FZD4: variants seen among roughly 807,000 people sequenced by gnomAD.
FZD4 encodes the protein frizzled-4.
Under a neutral mutation model 37.3 loss-of-function variants are expected in FZD4, and 16 were observed. That is an observed-to-expected ratio of 0.43 (90% CI 0.29 to 0.65). The LOEUF is 0.65. Among genes scored for constraint, FZD4 ranks in the 30% least tolerant of loss-of-function variants. The pLI is 0.16. For synonymous variants in FZD4, 246 were observed against 254.8 expected, an observed-to-expected ratio of 0.97 and a Z score of 0.33; for missense variants, 599 against 674.3, an observed-to-expected ratio of 0.89 and a Z score of 1.24.
chr11:86,953,073 T>G (rs1191200252), intron 1 of FZD4, among the ~76,000 whole-genome samples: 3 of 152,170 alleles, frequency 2.0e-5, no homozygotes, highest in Non-Finnish European at 2.9e-5. Context: ...TTGGCCAGGT[T>G]TCCTCAATGA....
In FZD4 at chr11:86,950,864, C is replaced by G. The variant is rs1449175391; in HGVS notation, c.*278G>C. On this transcript the variant is annotated 3_prime_UTR_variant, in exon 2 of 2. Coordinates refer to ENST00000531380, the MANE Select transcript of FZD4 (RefSeq NM_012193.4). ...GAATCTAGGCAGGACCTCCACGCTC[C>G]AAGCTGCAACCTGCTAAAGTGATCA... is the stretch of plus-strand genomic sequence containing the variant. The G allele has an allele frequency of 2.0e-6, 1 of 502,458 alleles. No homozygotes were observed. The highest frequency in any genetic ancestry group is 1.9e-5 in the African/African-American group (1 of 51,816). The allele number at this position is 502,458 out of a possible 1,614,324, so 31.1% of individuals were successfully genotyped here.
In FZD4 at chr11:86,951,447, T is replaced by A; in HGVS notation, c.1309A>T (p.Ile437Phe). ...GTGTACAGTACTGAGAACACCCCAATCTTGACCATCAGTCTTTCTAACTTG... is the reference window on the plus strand; with the variant it reads ...GTGTACAGTACTGAGAACACCCCAAACTTGACCATCAGTCTTTCTAACTTG... ...TDKLERLMVK[I>F]GVFSVLYTVP... The change falls in exon 2 of 2, where the codon ATT (isoleucine) becomes TTT (phenylalanine). Residue 437 changes from isoleucine (I) to phenylalanine (F), a missense_variant. Physicochemically the swap from Ile to Phe is conservative, Grantham distance 21. Transcript: ENST00000531380. 2 of 1,613,808 alleles carry A rather than the reference T, an allele frequency of 1.2e-6. No homozygotes were observed. The highest frequency in any genetic ancestry group is 1.7e-6 in the Non-Finnish European group (2 of 1,179,686).
rs759980701 is a variant in FZD4, at chr11:86,954,845, T to A, written c.241A>T (p.Thr81Ser). 1.2e-6 allele frequency: 2 copies of A among 1,612,882 alleles called. No homozygotes were observed. Among genetic ancestry groups the A allele is most frequent in the African/African-American group, 1.3e-5 (1 of 74,840 alleles). The change falls in exon 1 of 2, where the codon ACT becomes TCT. Residue 81 changes from threonine to serine, a missense_variant. Coordinates refer to ENST00000531380, the MANE Select transcript of FZD4 (RefSeq NM_012193.4). ...CCGTACTGGATGAGCGGTGTGAAAG[T>A]TGTCAGCTGCAGCTCGGCGTCCGTC... Reference protein sequence around the residue: ...LQTDAELQLTTFTPLIQYGCS... With the variant: ...LQTDAELQLTSFTPLIQYGCS...
Position 86,950,858 on chromosome 11 carries a change from A to C in FZD4, c.*284T>G. On this transcript the variant is annotated 3_prime_UTR_variant, in exon 2 of 2. Coordinates refer to ENST00000531380, the MANE Select transcript of FZD4 (RefSeq NM_012193.4). ...TTCCTGGAATCTAGGCAGGACCTCCACGCTCCAAGCTGCAACCTGCTAAAG... is the reference window on the plus strand; with the variant it reads ...TTCCTGGAATCTAGGCAGGACCTCCCCGCTCCAAGCTGCAACCTGCTAAAG... The C allele has an allele frequency of 6.1e-6, 3 of 489,004 alleles. No individual in the cohort carries two copies. In the South Asian group the frequency reaches 6.4e-5, roughly 10 times the overall value. The allele number at this position is 489,004 out of a possible 1,614,324, so 30.3% of individuals were successfully genotyped here.
chr11:86,954,176 A>G, intron 1 of FZD4: 1 of 921,774 alleles, frequency 1.1e-6, no homozygotes, highest in Non-Finnish European at 1.3e-6. Flanking sequence ...TTTTTTAATG[A>G]CTGCAAAAAA....
rs999394382 is a variant in FZD4 at position 86,948,222 on chromosome 11, T to C, written c.*2920A>G. On this transcript the variant is annotated 3_prime_UTR_variant, in exon 2 of 2. Coordinates refer to ENST00000531380, the MANE Select transcript of FZD4 (RefSeq NM_012193.4). ...GGTGGCTCACACAGGAAGAGATTTA[T>C]GGAATGGAGACAGTGAAACAGATGG... 1 of 152,134 alleles carries C rather than the reference T, an allele frequency of 6.6e-6. No homozygotes were observed. The highest frequency in any genetic ancestry group is 1.5e-5 in the Non-Finnish European group (1 of 68,040). The allele number at this position is 152,134 out of a possible 1,614,324, so 9.4% of individuals were successfully genotyped here. A position where few individuals can be genotyped will look rare whatever the true frequency, so the allele number is the denominator to read the frequency against.
At chr11:86,953,204 C>T (rs1949309251) in intron 1 of FZD4, among the ~76,000 whole-genome samples, 1 of 152,152 alleles carries the variant, frequency 6.6e-6, no homozygotes, top group Non-Finnish European at 1.5e-5. Flanking sequence ...CTGCTTGGCT[C>T]CTTACAGATG....
rs139401671 is a variant in FZD4 at position 86,954,968 on chromosome 11, C to G, written c.118G>C (p.Glu40Gln). ...ATGGGGTCGCAGCGCCGCTCTTCCT[C>G]GTCCCCGAAGCCCCGCGCCGGCCCC... ...LLGPARGFGD[E>Q]EERRCDPIRI... The change falls in exon 1 of 2, where the codon GAG becomes CAG. Residue 40 changes from glutamate (E) to glutamine (Q), a missense_variant. Physicochemically the swap from Glu to Gln is conservative, Grantham distance 29 (BLOSUM62 2). This residue lies in a region of FZD4 where 357 missense variants were observed against 396.1 expected (regional missense o/e 0.90). Coordinates refer to ENST00000531380, the MANE Select transcript of FZD4 (RefSeq NM_012193.4). 486 of 1,613,484 alleles carry G rather than the reference C, an allele frequency of 3.0e-4. 3 individuals carry two copies. The highest frequency in any genetic ancestry group is 1.3e-3 in the South Asian group (120 of 91,078).
rs113917021 is a variant in FZD4 at position 86,955,039 on chromosome 11, C to T, written c.47G>A (p.Gly16Asp). Residue 16 changes from glycine to aspartate, a missense_variant, in exon 1 of 2, where the codon GGC (glycine) becomes GAC (aspartate). By Grantham distance (94) the Gly-to-Asp change is moderately conservative. Around this residue, in one of 3 missense-constraint regions of FZD4, gnomAD observed 357 missense variants for 396.1 expected, o/e 0.90. Coordinates refer to ENST00000531380, the MANE Select transcript of FZD4 (RefSeq NM_012193.4). ...AGPSVPGAPG[G>D]VGLSLGLLLQ... is the part of the protein sequence containing the mutation. Reference sequence around the variant, plus strand: ...GAGCAACCCCAGACTGAGACCGACGCCCCCGGGCGCCCCCGGGACGCTCGG... The same window carrying T: ...GAGCAACCCCAGACTGAGACCGACGTCCCCGGGCGCCCCCGGGACGCTCGG... 6.6e-5 allele frequency: 106 copies of T among 1,603,578 alleles called. No homozygotes were observed. In the African/African-American group the frequency reaches 7.6e-4, roughly 12 times the overall value.
intron 1 of FZD4, among the ~76,000 whole-genome samples, chr11:86,953,964 A>G (rs553574945): frequency 1.6e-3 from 238 of 152,206 alleles, no homozygotes; most frequent in African/African-American, 5.5e-3. Flanking sequence ...TTTTTCCCAC[A>G]ACTTCTCTCT....
At position 86,954,992 on chromosome 11, in the gene FZD4, C is replaced by A; in HGVS notation, c.94G>T (p.Gly32Trp). ...TCGTCCCCGAAGCCCCGCGCCGGCC[C>A]CAGGAGCAGCAGCAACTGCAGGAGC... is the stretch of plus-strand genomic sequence containing the variant. Reference protein sequence around the residue: ...GLLLQLLLLLGPARGFGDEEE... With the variant: ...GLLLQLLLLLWPARGFGDEEE... Residue 32 changes from glycine (G) to tryptophan (W), a missense_variant, in exon 1 of 2, where the codon GGG becomes TGG. Gly to Trp is a radical substitution (Grantham distance 184). Around this residue, in one of 3 missense-constraint regions of FZD4, gnomAD observed 357 missense variants for 396.1 expected, o/e 0.90. Coordinates refer to ENST00000531380, the MANE Select transcript of FZD4 (RefSeq NM_012193.4). The A allele has an allele frequency of 6.2e-7, 1 of 1,612,616 alleles. No homozygotes were observed. The highest frequency in any genetic ancestry group is 8.5e-7 in the Non-Finnish European group (1 of 1,179,676).
Position 86,947,815 on chromosome 11 carries a change from G to A in FZD4, c.*3327C>T, listed in dbSNP as rs1949256338. 1.3e-5 allele frequency: 2 copies of A among 152,418 alleles called. No individual in the cohort carries two copies. The highest frequency in any genetic ancestry group is 4.8e-5 in the African/African-American group (2 of 41,568). The allele number at this position is 152,418 out of a possible 1,614,324, so 9.4% of individuals were successfully genotyped here. ...GGAGAAAGGAATCTACCAGAAAGGAGGTTGGACAGAGGTGCCATTGCACCA... is the reference window on the plus strand; with the variant it reads ...GGAGAAAGGAATCTACCAGAAAGGAAGTTGGACAGAGGTGCCATTGCACCA... On this transcript the variant is annotated 3_prime_UTR_variant, in exon 2 of 2. Transcript: ENST00000531380.
In FZD4 at chr11:86,949,305, T is replaced by C. The variant is rs1949269967; in HGVS notation, c.*1837A>G. 1 of 151,014 alleles carries C rather than the reference T, an allele frequency of 6.6e-6. No homozygotes were observed. Among genetic ancestry groups the C allele is most frequent in the Admixed American group, 6.6e-5 (1 of 15,120 alleles). The allele number at this position is 151,014 out of a possible 1,614,324, so 9.4% of individuals were successfully genotyped here. On this transcript the variant is annotated 3_prime_UTR_variant, in exon 2 of 2. Coordinates refer to ENST00000531380, the MANE Select transcript of FZD4 (RefSeq NM_012193.4). ...AAATGTCAAACTATGGGCATAAGGCTCAAACCAAATTTTTAAAAAAGAGGA... is the reference window on the plus strand; with the variant it reads ...AAATGTCAAACTATGGGCATAAGGCCCAAACCAAATTTTTAAAAAAGAGGA...
In FZD4 at chr11:86,952,109, T is replaced by G; in HGVS notation, c.647A>C (p.Lys216Thr). Residue 216 changes from lysine to threonine, a missense_variant, in exon 2 of 2, where the codon AAG (lysine) becomes ACG (threonine). By Grantham distance (78) the Lys-to-Thr change is moderately conservative. Around this residue, in one of 3 missense-constraint regions of FZD4, gnomAD observed 357 missense variants for 396.1 expected, o/e 0.90. Coordinates refer to ENST00000531380, the MANE Select transcript of FZD4 (RefSeq NM_012193.4). The stretch of plus-strand genomic sequence containing the variant: ...AGCCATCCAGATATCAGTGAACTCC[T>G]TGGCTGAGCGGCTGTATAAGCCAGC... ...YDAGLYSRSAKEFTDIWMAVW... is the reference protein window; with the variant it reads ...YDAGLYSRSATEFTDIWMAVW... 1 of 1,614,068 alleles carries G rather than the reference T, an allele frequency of 6.2e-7. No individual in the cohort carries two copies. Among genetic ancestry groups the G allele is most frequent in the Non-Finnish European group, 8.5e-7 (1 of 1,179,954 alleles).
At chr11:86,954,561 T>G (rs2135044737) in intron 1 of FZD4, 1 of 984,584 alleles carries the variant, frequency 1.0e-6, no homozygotes, top group Admixed American at 6.2e-5. Flanking sequence ...CAGACATGGG[T>G]GGGCAAGAGA....
chr11:86,953,638 C>T (rs560199239), intron 1 of FZD4, among the ~76,000 whole-genome samples: 2 of 151,474 alleles, frequency 1.3e-5, no homozygotes, highest in Admixed American at 6.6e-5. Context: ...TTTTTTGATA[C>T]GGAGTTTCGC....
chr11:86,955,128 T>G lies in FZD4; in HGVS notation c.-43A>C, dbSNP rs1226464881. The G allele has an allele frequency of 7.1e-7, 1 of 1,403,522 alleles. No homozygotes were observed. The highest frequency in any genetic ancestry group is 9.3e-7 in the Non-Finnish European group (1 of 1,079,468). The allele number at this position is 1,403,522 out of a possible 1,614,324, so 86.9% of individuals were successfully genotyped here. Reference sequence around the variant, plus strand: ...GCAGCGGCAGCGGCTGGGGCTGCTCTGGCAGACACCCCCAGTTTGCACGGG... The same window carrying G: ...GCAGCGGCAGCGGCTGGGGCTGCTCGGGCAGACACCCCCAGTTTGCACGGG... On this transcript the variant is annotated 5_prime_UTR_variant, in exon 1 of 2. Transcript: ENST00000531380.
chr11:86,954,963 T>C lies in FZD4; in HGVS notation c.123A>G (p.Glu41=), dbSNP rs763356711. 4 of 1,613,554 alleles carry C rather than the reference T, an allele frequency of 2.5e-6. No homozygotes were observed. Among genetic ancestry groups the C allele is most frequent in the East Asian group, 2.2e-5 (1 of 44,838 alleles). ...LGPARGFGDE[E]ERRCDPIRIS... ...TGCGGATGGGGTCGCAGCGCCGCTC[T>C]TCCTCGTCCCCGAAGCCCCGCGCCG... The change falls in exon 1 of 2, where the codon GAA becomes GAG. Residue 41 remains glutamate, a synonymous_variant. Coordinates refer to ENST00000531380, the MANE Select transcript of FZD4 (RefSeq NM_012193.4).
chr11:86,952,099 A>G lies in FZD4; in HGVS notation c.657T>C (p.Thr219=). ...TGGCCCACACAGCCATCCAGATATC[A>G]GTGAACTCCTTGGCTGAGCGGCTGT... The part of the protein sequence containing the change: ...GLYSRSAKEF[T]DIWMAVWASL... The change falls in exon 2 of 2, where the codon ACT becomes ACC. Residue 219 remains threonine, a synonymous_variant. Coordinates refer to ENST00000531380, the MANE Select transcript of FZD4 (RefSeq NM_012193.4). 6.2e-7 allele frequency: 1 copy of G among 1,614,078 alleles called. No individual in the cohort carries two copies. The highest frequency in any genetic ancestry group is 8.5e-7 in the Non-Finnish European group (1 of 1,179,950).
Sources: gnomAD v4.1 joint callset for allele counts (sites outside exome capture counted in the v4.1 genomes callset) on GRCh38, gnomAD v4.1.1 for gene constraint, gnomAD v4.1.1 regional missense constraint, MANE v1.5 for transcripts, NCBI Gene and HGNC (gene_info 2026-07-23, HGNC 2026-07-21) for gene names.